Variants in DNM3 observed in about 807,000 individuals in gnomAD.
DNM3 encodes the protein dynamin-3.
In DNM3, 47 loss-of-function variants were observed where a neutral mutation model predicts 101.6. That is an observed-to-expected ratio of 0.46 (90% CI 0.37 to 0.59). The LOEUF (loss-of-function observed/expected upper bound fraction) is 0.59, where lower values mean the gene tolerates loss of function less well. Among genes scored for constraint, DNM3 ranks in the 20% least tolerant of loss-of-function variants. The pLI, the probability that DNM3 is intolerant of heterozygous loss-of-function variation, is 0.00. For synonymous variants in DNM3, 385 were observed against 387.9 expected (o/e 0.99, Z 0.09); for missense variants, 849 against 1,085.7 (o/e 0.78, Z 3.06).
Position 172,246,186 on chromosome 1 carries a change from AATTACAACTAGAG to A in DNM3, c.1660-7384_1660-7372del, listed in dbSNP as rs768433021. Among the ~76,000 whole-genome samples the A allele has an allele frequency of 2.1e-3, 325 of 152,268 alleles. 1 individual carries two copies. Among genetic ancestry groups the A allele is most frequent in the Non-Finnish European group, 3.2e-3 (220 of 68,018 alleles). ...ACCAGGTCCTTCCTCCAACATTGGG[AATTACAACTAGAG>A]ATGAGATTTGCATGGGGAGACAGAG... On this transcript the variant is annotated intron_variant, in intron 14 of 20. Coordinates refer to ENST00000627582, the MANE Select transcript of DNM3 (RefSeq NM_015569.5).
chr1:171,858,475 C>T (rs74880576), intron 1 of DNM3, among the ~76,000 whole-genome samples: 1 of 152,084 alleles, frequency 6.6e-6, no homozygotes, highest in Non-Finnish European at 1.5e-5. Flanking sequence ...AATGCAGGAA[C>T]CAAATGGATT....
chr1:171,934,078 A>G (rs907651573), intron 2 of DNM3, among the ~76,000 whole-genome samples: 1 of 152,240 alleles, frequency 6.6e-6, no homozygotes, highest in African/African-American at 2.4e-5. Context: ...GGACTTCAGA[A>G]CAATGCCTTT....
rs139427836 is a variant in DNM3 at position 172,302,227 on chromosome 1, C to A, written c.1770-6501C>A. On this transcript the variant is annotated intron_variant, in intron 15 of 20. Transcript: ENST00000627582. ...CACACCAGGAGATTATATCCCACGCCTGGCTCAGCAGGTCCCACACCCACG... is the reference window on the plus strand; with the variant it reads ...CACACCAGGAGATTATATCCCACGCATGGCTCAGCAGGTCCCACACCCACG... Among the ~76,000 whole-genome samples the A allele has an allele frequency of 5.3e-3, 807 of 152,342 alleles. 6 individuals are homozygous for A. Among genetic ancestry groups the A allele is most frequent in the African/African-American group, 0.017 (696 of 41,572 alleles).
At chr1:172,331,742 T>A (rs189024937) in intron 17 of DNM3, among the ~76,000 whole-genome samples, 590 of 152,296 alleles carry the variant, frequency 3.9e-3, no homozygotes, top group Middle Eastern at 0.017. Flanking sequence ...AGAAAGAAAT[T>A]AAAATTGAAG....
At chr1:172,146,744 G>A (rs1251269816) in intron 14 of DNM3, among the ~76,000 whole-genome samples, 1 of 152,130 alleles carries the variant, frequency 6.6e-6, no homozygotes, top group Non-Finnish European at 1.5e-5. Flanking sequence ...TCCAGGTGTA[G>A]ACCTGCTTCT....
intron 17 of DNM3, among the ~76,000 whole-genome samples, chr1:172,335,424 T>G (rs1383404560): frequency 1.3e-5 from 2 of 152,152 alleles, no homozygotes; most frequent in Admixed American, 6.5e-5. Context: ...ATAATTATGA[T>G]GAATTATAGA....
At chr1:172,132,469 T>C (rs976572247) in intron 14 of DNM3, among the ~76,000 whole-genome samples, 1 of 152,208 alleles carries the variant, frequency 6.6e-6, no homozygotes. Flanking sequence ...GTTTCTTTCC[T>C]GTGCTGGCTG....
rs548874383 is a variant in DNM3 at position 172,266,725 on chromosome 1, C to A, written c.1769+13043C>A. On this transcript the variant is annotated intron_variant, in intron 15 of 20. Transcript: ENST00000627582. The stretch of plus-strand genomic sequence containing the variant: ...ATGTATGTTATCCTATCCACCCACA[C>A]CCCCCTTGGAGTGTAGGTGGGTCAT... Among the ~76,000 whole-genome samples the A allele has an allele frequency of 7.2e-5, 11 of 152,236 alleles. No homozygotes were observed. The South Asian group carries it at 1.5e-3, about 20-fold the overall frequency.
At chr1:172,246,063 G>A (rs1160496840) in intron 14 of DNM3, among the ~76,000 whole-genome samples, 1 of 152,108 alleles carries the variant, frequency 6.6e-6, no homozygotes, top group Non-Finnish European at 1.5e-5. Flanking sequence ...AGGGGAAAGT[G>A]CCACATATAC....
intron 15 of DNM3, chr1:172,289,838 TTTG>T (rs2063834967): frequency 1.0e-6 from 1 of 982,810 alleles, no homozygotes; most frequent in Middle Eastern, 5.2e-4. Context: ...CTGAAGTGGT[TTTG>T]TTGTTCTTTC....
chr1:172,371,692 C>G (rs2068331508), intron 17 of DNM3, among the ~76,000 whole-genome samples: 2 of 151,820 alleles, frequency 1.3e-5, no homozygotes. Context: ...ACTAAAGTCA[C>G]AAAGCTTATT....
At chr1:172,196,231 A>G (rs1256388688) in intron 14 of DNM3, among the ~76,000 whole-genome samples, 1 of 151,870 alleles carries the variant, frequency 6.6e-6, no homozygotes, top group Non-Finnish European at 1.5e-5. Flanking sequence ...TCAAAAGACA[A>G]TCTCATTCTT....
intron 13 of DNM3, among the ~76,000 whole-genome samples, chr1:172,118,178 A>T (rs756464898): frequency 6.6e-6 from 1 of 152,192 alleles, no homozygotes; most frequent in African/African-American, 2.4e-5. Flanking sequence ...TCCACATTAG[A>T]TACATGCATG....
At chr1:172,100,001 AT>A (rs2054523211) in intron 13 of DNM3, among the ~76,000 whole-genome samples, 1 of 152,198 alleles carries the variant, frequency 6.6e-6, no homozygotes, top group Admixed American at 6.5e-5. Context: ...CATTGTTGAC[AT>A]GCTCCTTGGC....
chr1:172,255,426 A>G (rs1296442402), intron 15 of DNM3, among the ~76,000 whole-genome samples: 1 of 152,098 alleles, frequency 6.6e-6, no homozygotes, highest in Non-Finnish European at 1.5e-5. Context: ...GGTGACTGCC[A>G]AACAGGAAGT....
chr1:172,239,970 T>C (rs1438238910), intron 14 of DNM3, among the ~76,000 whole-genome samples: 1 of 152,054 alleles, frequency 6.6e-6, no homozygotes, highest in East Asian at 1.9e-4. Flanking sequence ...GTGCTTGCAG[T>C]GATCCAGCCA....
At chr1:172,414,525 T>C (rs953655425), downstream of DNM3, among the ~76,000 whole-genome samples, 3 of 152,208 alleles carry the variant, frequency 2.0e-5, no homozygotes, top group Admixed American at 2.0e-4. Flanking sequence ...TATTTGACCA[T>C]AGAACATCTC....
intron 14 of DNM3, among the ~76,000 whole-genome samples, chr1:172,243,846 A>G (rs1445183083): frequency 1.3e-5 from 2 of 152,166 alleles, no homozygotes; most frequent in Non-Finnish European, 2.9e-5. Context: ...ATACTTGTAC[A>G]TCTCTATAGT....
chr1:172,190,011 CTT>C (rs61413095), intron 14 of DNM3, among the ~76,000 whole-genome samples: 2,317 of 134,382 alleles, frequency 0.017, 47 homozygotes, highest in African/African-American at 0.056. Flanking sequence ...AATCACATTT[CTT>C]TTTTTTTTTT....
Sources: gnomAD v4.1 joint callset for allele counts (sites outside exome capture counted in the v4.1 genomes callset) on GRCh38, gnomAD v4.1.1 for gene constraint, MANE v1.5 for transcripts, NCBI Gene and HGNC (gene_info 2026-07-23, HGNC 2026-07-21) for gene names.